The following SNX18 variants were observed in gnomAD, a reference collection of about 807,000 sequenced individuals.
SNX18 encodes the protein sorting nexin-18.
A neutral mutation model predicts 48.7 loss-of-function variants in SNX18; 35 were observed. The ratio of observed to expected loss-of-function variants is 0.72; its 90% CI spans 0.55 to 0.95. The LOEUF (loss-of-function observed/expected upper bound fraction) is 0.95, where lower values mean the gene tolerates loss of function less well. Among genes scored for constraint, SNX18 ranks in the 40% least tolerant of loss-of-function variants. The probability of loss-of-function intolerance (pLI) is 0.00; values close to 1 mark genes in which losing one functional copy is unlikely to be tolerated. For synonymous variants in SNX18, 492 were observed against 384.7 expected (o/e 1.28, Z -3.26); for missense variants, 824 against 871.0 (o/e 0.95, Z 0.68).
At chr5:54,632,699 T>TCA in the SNX18 span, among the ~76,000 whole-genome samples, 4 of 152,008 alleles carry the variant, frequency 2.6e-5, no homozygotes, top group South Asian at 2.1e-4. Context: ...TGTGATTTCT[T>TCA]CACACACACA....
At chr5:54,533,672 C>T (rs148605609) in intron 1 of SNX18, among the ~76,000 whole-genome samples, 77 of 152,254 alleles carry the variant, frequency 5.1e-4, no homozygotes, top group African/African-American at 1.7e-3. Flanking sequence ...TTTTATTTCA[C>T]GGTTAAAGAG....
At chr5:54,552,080 T>G in the SNX18 span, among the ~76,000 whole-genome samples, 5 of 152,218 alleles carry the variant, frequency 3.3e-5, no homozygotes, top group Non-Finnish European at 5.9e-5. Context: ...GCAGCCACAG[T>G]GCTGGCTTTG....
chr5:54,584,935 T>A, the SNX18 span, among the ~76,000 whole-genome samples: 4 of 152,202 alleles, frequency 2.6e-5, no homozygotes, highest in Admixed American at 6.5e-5. Context: ...ACACGTATTT[T>A]AACTATGTGG....
At chr5:54,619,866 C>CT in the SNX18 span, among the ~76,000 whole-genome samples, 7 of 152,240 alleles carry the variant, frequency 4.6e-5, no homozygotes, top group African/African-American at 1.4e-4. Context: ...CTGGTTAGTG[C>CT]TTGGTAAATC....
chr5:54,614,722 G>A, the SNX18 span, among the ~76,000 whole-genome samples: 2 of 152,160 alleles, frequency 1.3e-5, no homozygotes, highest in African/African-American at 4.8e-5. Flanking sequence ...GGAGGCTGAG[G>A]TGGGAGGATC....
rs565412654 is a variant in SNX18, at chr5:54,517,813, C to T, written c.-140C>T. The T allele has an allele frequency of 2.3e-6, 2 of 854,614 alleles. No homozygotes were observed. The highest frequency in any genetic ancestry group is 1.8e-5 in the African/African-American group (1 of 56,426). 52.9% of individuals were successfully genotyped at this position (854,614 alleles called of 1,614,324 possible). On this transcript the variant is annotated 5_prime_UTR_variant, in exon 1 of 2. Transcript: ENST00000381410. The stretch of plus-strand genomic sequence containing the variant: ...AGCGGAGCCGCGCGGAGGGCGCGAC[C>T]GGCTGGTCCGGGCAGCGTGGGTTTG...
At chr5:54,547,907 G>T (rs1013744089), downstream of SNX18, among the ~76,000 whole-genome samples, 1 of 152,236 alleles carries the variant, frequency 6.6e-6, no homozygotes, top group African/African-American at 2.4e-5. Context: ...GAGAGCAACA[G>T]AATTTGCTGA....
the SNX18 span, among the ~76,000 whole-genome samples, chr5:54,552,615 A>T: frequency 6.6e-6 from 1 of 152,158 alleles, no homozygotes; most frequent in Non-Finnish European, 1.5e-5. Flanking sequence ...AAGCTTGATG[A>T]TGCCATCGGC....
chr5:54,553,113 G>C, the SNX18 span, among the ~76,000 whole-genome samples: 1 of 152,132 alleles, frequency 6.6e-6, no homozygotes. Context: ...ACCCAGAGGT[G>C]AGTGGGGAAG....
downstream of SNX18, among the ~76,000 whole-genome samples, chr5:54,550,246 A>G (rs1762630070): frequency 6.6e-6 from 1 of 152,226 alleles, no homozygotes; most frequent in Non-Finnish European, 1.5e-5. Flanking sequence ...TATGAAACAA[A>G]GGACCTATGG....
chr5:54,618,902 C>T, the SNX18 span, among the ~76,000 whole-genome samples: 1 of 151,454 alleles, frequency 6.6e-6, no homozygotes, highest in Admixed American at 6.6e-5. Context: ...GTTCTATAAG[C>T]AAAGCATAAG....
At chr5:54,623,579 A>G in the SNX18 span, among the ~76,000 whole-genome samples, 9 of 152,070 alleles carry the variant, frequency 5.9e-5, no homozygotes, top group African/African-American at 9.7e-5. Context: ...CATTACAGCT[A>G]CAAGAACTTA....
chr5:54,544,730 A>G lies in SNX18; in HGVS notation c.*1298A>G, dbSNP rs989524277. 1.3e-5 allele frequency: 2 copies of G among 149,690 alleles called. No homozygotes were observed. The highest frequency in any genetic ancestry group is 4.4e-4 in the South Asian group (2 of 4,522). The allele number at this position is 149,690 out of a possible 1,614,324, so 9.3% of individuals were successfully genotyped here. ...TACAGATGGCTGATAAATACCAAAA[A>G]GATTCAAAAGCAGCTTAATTTAAAA... On this transcript the variant is annotated 3_prime_UTR_variant, in exon 2 of 2. Transcript: ENST00000381410.
At chr5:54,594,328 T>G in the SNX18 span, among the ~76,000 whole-genome samples, 12 of 152,342 alleles carry the variant, frequency 7.9e-5, 1 homozygote, top group East Asian at 2.3e-3. Context: ...TGGTGCTGAT[T>G]GTGTGACCAT....
the SNX18 span, among the ~76,000 whole-genome samples, chr5:54,600,521 A>G: frequency 6.6e-6 from 1 of 152,248 alleles, no homozygotes; most frequent in Non-Finnish European, 1.5e-5. Context: ...ACAAAGATAC[A>G]TGCACACATA....
chr5:54,591,717 A>G, the SNX18 span, among the ~76,000 whole-genome samples: 3 of 152,338 alleles, frequency 2.0e-5, no homozygotes, highest in Non-Finnish European at 1.5e-5. Context: ...GCATTGGCAT[A>G]AGAATTAAGA....
At position 54,518,138 on chromosome 5, in the gene SNX18, C is replaced by T; in HGVS notation, c.186C>T (p.Pro62=). 1 of 1,415,496 alleles carries T rather than the reference C, an allele frequency of 7.1e-7. No individual in the cohort carries two copies. Among genetic ancestry groups the T allele is most frequent in the Non-Finnish European group, 9.2e-7 (1 of 1,090,716 alleles). The allele number at this position is 1,415,496 out of a possible 1,614,324, so 87.7% of individuals were successfully genotyped here. ...CCTATGTGCAGGTGATCCGCGCCCC[C>T]GAGCCTGGCCCGGCGGGAGACGGCG... is the stretch of plus-strand genomic sequence containing the variant. ...PASYVQVIRA[P]EPGPAGDGGP... Residue 62 remains proline, a synonymous_variant, in exon 1 of 2, where the codon CCC becomes CCT. Transcript: ENST00000381410.
chr5:54,517,905 C>T lies in SNX18; in HGVS notation c.-48C>T. On this transcript the variant is annotated 5_prime_UTR_variant, in exon 1 of 2. Transcript: ENST00000381410. Reference sequence around the variant, plus strand: ...TACCGCGGGCCCCTCAGGTGGGCCTCGGCTCGGGACGCCGGGAGTCGGGAC... The same window carrying T: ...TACCGCGGGCCCCTCAGGTGGGCCTTGGCTCGGGACGCCGGGAGTCGGGAC... 1.2e-5 allele frequency: 17 copies of T among 1,459,056 alleles called. No homozygotes were observed. Among genetic ancestry groups the T allele is most frequent in the Non-Finnish European group, 1.4e-5 (16 of 1,112,750 alleles). The allele number at this position is 1,459,056 out of a possible 1,614,324, so 90.4% of individuals were successfully genotyped here. A position where few individuals can be genotyped will look rare whatever the true frequency, so the allele number is the denominator to read the frequency against.
chr5:54,518,391 A>C lies in SNX18; in HGVS notation c.439A>C (p.Ser147Arg). The stretch of plus-strand genomic sequence containing the variant: ...GCAGCTCTACGGCGGCTACCAGGCC[A>C]GCCAAGGCAGCGATGATGACTGGGA... ...PQQLYGGYQA[S>R]QGSDDDWDDE... Residue 147 changes from serine (S) to arginine (R), a missense_variant, in exon 1 of 2, where the codon AGC (serine) becomes CGC (arginine). Ser to Arg is a moderately radical substitution (Grantham distance 110). Transcript: ENST00000381410. 6.3e-7 allele frequency: 1 copy of C among 1,579,550 alleles called. No individual in the cohort carries two copies. The highest frequency in any genetic ancestry group is 2.4e-5 in the East Asian group (1 of 42,438).
Sources: allele counts gnomAD v4.1 joint callset (sites outside exome capture counted in the v4.1 genomes callset), GRCh38; gene constraint gnomAD v4.1.1; transcripts MANE v1.5; gene names NCBI Gene and HGNC (gene_info 2026-07-23, HGNC 2026-07-21).